The following USH1C variants were observed in gnomAD, a reference collection of about 807,000 sequenced individuals.
USH1C encodes USH1 protein network component harmonin.
USH1C carries 90 observed loss-of-function variants against 119.3 expected under a neutral mutation model. The ratio of observed to expected loss-of-function variants is 0.75; its 90% CI spans 0.64 to 0.90. The LOEUF is 0.90. USH1C is among the 40% of genes least tolerant of loss of function. The probability of loss-of-function intolerance (pLI) is 0.00; values close to 1 mark genes in which losing one functional copy is unlikely to be tolerated. For missense variants in USH1C, 1,165 were observed against 1,167.7 expected (o/e 1.00, Z 0.03); for synonymous variants, 465 against 443.3 (o/e 1.05, Z -0.62).
intron 11 of USH1C, 26 bp downstream of exon 11, chr11:17,523,185 C>A (rs1177299227): frequency 6.2e-7 from 1 of 1,614,030 alleles, no homozygotes; most frequent in Non-Finnish European, 8.5e-7. Context: ...GGTCAAGGGG[C>A]TCCCACCAGC....
At chr11:17,534,158 T>C (rs1296105247) in intron 1 of USH1C, among the ~76,000 whole-genome samples, 1 of 151,976 alleles carries the variant, frequency 6.6e-6, no homozygotes, top group Non-Finnish European at 1.5e-5. Flanking sequence ...GCTTGGGGGG[T>C]CACTGGGTCC....
At chr11:17,544,045 A>T (rs1430654103) in intron 1 of USH1C, among the ~76,000 whole-genome samples, 2 of 152,244 alleles carry the variant, frequency 1.3e-5, no homozygotes, top group African/African-American at 4.8e-5. Context: ...AAAGGCTGGC[A>T]GAAGATCGAC....
chr11:17,516,432 A>G, intron 14 of USH1C, 142 bp from the exon 15 acceptor site: 2 of 840,966 alleles, frequency 2.4e-6, no homozygotes, highest in Non-Finnish European at 3.9e-6. Context: ...GCAAAACTGC[A>G]CCCTCTGTCC....
chr11:17,497,067 C>G (rs775264993), intron 24 of USH1C, among the ~76,000 whole-genome samples: 1 of 152,192 alleles, frequency 6.6e-6, no homozygotes, highest in Non-Finnish European at 1.5e-5. Flanking sequence ...ATCTATGGAC[C>G]GGGGACAGGC....
chr11:17,516,983 C>T (rs1850178315), intron 14 of USH1C, among the ~76,000 whole-genome samples: 1 of 152,132 alleles, frequency 6.6e-6, no homozygotes, highest in Non-Finnish European at 1.5e-5. Flanking sequence ...TCCCTGGGGC[C>T]AAGAGCGATG....
At chr11:17,509,011 G>A (rs1041057074) in intron 18 of USH1C, among the ~76,000 whole-genome samples, 43 of 152,270 alleles carry the variant, frequency 2.8e-4, no homozygotes, top group African/African-American at 9.1e-4. Flanking sequence ...GTGACAGAGT[G>A]CTGGCTATTC....
At chr11:17,541,387 G>A (rs916825384) in intron 1 of USH1C, among the ~76,000 whole-genome samples, 4 of 152,202 alleles carry the variant, frequency 2.6e-5, no homozygotes, top group African/African-American at 9.7e-5. Context: ...TATTGCCTAT[G>A]TGAATAAATG....
intron 18 of USH1C, among the ~76,000 whole-genome samples, chr11:17,506,560 C>A (rs1408985798): frequency 6.6e-6 from 1 of 152,240 alleles, no homozygotes; most frequent in African/African-American, 2.4e-5. Flanking sequence ...ACTCCCAAGG[C>A]CTTTCATGAG....
intron 26 of USH1C, chr11:17,494,702 G>T: frequency 2.4e-6 from 1 of 421,068 alleles, no homozygotes; most frequent in Non-Finnish European, 4.5e-6. Flanking sequence ...TGGTCTACCC[G>T]GCCAAGTGTC....
At chr11:17,523,550 C>G in intron 9 of USH1C, 72 bp from the exon 10 acceptor site, 1 of 1,468,684 alleles carries the variant, frequency 6.8e-7, no homozygotes, top group South Asian at 1.2e-5. Context: ...GGACAGGCTC[C>G]CCCAGGGGCT....
intron 15 of USH1C, 96 bp from the exon 16 acceptor site, chr11:17,512,150 C>A (rs1849921420): frequency 1.5e-6 from 2 of 1,369,974 alleles, no homozygotes; most frequent in Non-Finnish European, 2.1e-6. Flanking sequence ...CACAACCATC[C>A]CATGGTGAGC....
intron 23 of USH1C, 83 bp downstream of exon 23, chr11:17,500,968 G>T: frequency 8.6e-7 from 1 of 1,165,520 alleles, no homozygotes; most frequent in Non-Finnish European, 1.3e-6. Context: ...CCCACTCCAA[G>T]TGGTCACCTG....
chr11:17,501,613 A>G (rs2133786821), intron 21 of USH1C, 78 bp from the exon 22 acceptor site: 1 of 1,492,438 alleles, frequency 6.7e-7, no homozygotes, highest in Non-Finnish European at 9.2e-7. Flanking sequence ...AGGGGAATCC[A>G]GGCACCTATG....
At position 17,498,317 on chromosome 11, in the gene USH1C, C is replaced by T. The variant is rs2072233; in HGVS notation, c.2381-46G>A. 0.11 allele frequency: 166,376 copies of T among 1,574,396 alleles called. 10,448 individuals are homozygous for T. Among genetic ancestry groups the T allele is most frequent in the East Asian group, 0.29 (13,161 of 44,656 alleles). On this transcript the variant is annotated intron_variant, in intron 23 of 26. Coordinates refer to ENST00000005226, the MANE Select transcript of USH1C (RefSeq NM_153676.4). ...TTGGCCAACTGGGCTGTATGTGACA[C>T]GTGCCTGGCCCAGGGCTTGGCAAAG... is the stretch of plus-strand genomic sequence containing the variant.
chr11:17,526,556 T>C (rs768115490), intron 7 of USH1C, 115 bp from the exon 8 acceptor site: 7 of 1,144,000 alleles, frequency 6.1e-6, no homozygotes, highest in Non-Finnish European at 9.0e-6. Flanking sequence ...CAGATCATCA[T>C]TCCGTCCCTG....
At position 17,535,955 on chromosome 11, in the gene USH1C, C is replaced by T. The variant is rs920306573; in HGVS notation, c.37-2633G>A. On this transcript the variant is annotated intron_variant, in intron 1 of 26. Transcript: ENST00000005226. ...CGATGACCATTGATTGTGACTCAGG[C>T]CTGGCAGGGGAAAATAACTCCCAAT... 4.6e-5 allele frequency among the ~76,000 whole-genome samples: 7 copies of T among 152,166 alleles called. No individual in the cohort carries two copies. The South Asian group carries it at 8.3e-4, about 18-fold the overall frequency.
rs770171347 is a variant in USH1C, at chr11:17,501,501, C to T, written c.2261G>A (p.Arg754Gln). ...AGGTACCTTCTTGATGCGTAGGAGCCGGACATCCTTCCCCATGATCTGCTC... is the reference window on the plus strand; with the variant it reads ...AGGTACCTTCTTGATGCGTAGGAGCTGGACATCCTTCCCCATGATCTGCTC... ...TPEQIMGKDV[R>Q]LLRIKKEGSL... is the part of the protein sequence containing the mutation. Residue 754 changes from arginine to glutamine, a missense_variant, in exon 22 of 27, where the codon CGG becomes CAG. By Grantham distance (43) the Arg-to-Gln change is conservative. Transcript: ENST00000005226. 13 of 1,613,094 alleles carry T rather than the reference C, an allele frequency of 8.1e-6. No individual in the cohort carries two copies. Among genetic ancestry groups the T allele is most frequent in the Admixed American group, 5.0e-5 (3 of 59,894 alleles).
chr11:17,515,213 G>T (rs1442705911), intron 15 of USH1C, among the ~76,000 whole-genome samples: 1 of 152,116 alleles, frequency 6.6e-6, no homozygotes, highest in African/African-American at 2.4e-5. Context: ...TGAGACCAAG[G>T]CCTTTCTGAG....
At chr11:17,518,763 TAATCCCAGC>T (rs1332582493) in intron 14 of USH1C, among the ~76,000 whole-genome samples, 1 of 152,216 alleles carries the variant, frequency 6.6e-6, no homozygotes, top group African/African-American at 2.4e-5. Context: ...CTCATGCCTG[TAATCCCAGC>T]ACTTTGGGAG....
Sources: gnomAD v4.1 joint callset for allele counts (sites outside exome capture counted in the v4.1 genomes callset) on GRCh38, gnomAD v4.1.1 for gene constraint, MANE v1.5 for transcripts, NCBI Gene and HGNC (gene_info 2026-07-23, HGNC 2026-07-21) for gene names.